USP5: variants seen among roughly 807,000 people sequenced by gnomAD.
The protein encoded by USP5 is ubiquitin carboxyl-terminal hydrolase 5.
A neutral mutation model predicts 102.5 loss-of-function variants in USP5; 24 were observed. The observed-to-expected ratio is 0.23, with a 90% CI of 0.17 to 0.33. The LOEUF is 0.33. Ranked by LOEUF, USP5 falls within the 10% of genes least tolerant of loss-of-function variation. The pLI is 1.00. For missense variants in USP5, 753 were observed against 1,122.1 expected (o/e 0.67, Z 4.70); for synonymous variants, 460 against 434.8 (o/e 1.06, Z -0.72).
chr12:6,863,120 T>C lies in USP5; in HGVS notation c.1763-66T>C. 2 of 1,505,310 alleles carry C rather than the reference T, an allele frequency of 1.3e-6. No homozygotes were observed. The highest frequency in any genetic ancestry group is 2.8e-5 in the African/African-American group (2 of 72,206). The allele number at this position is 1,505,310 out of a possible 1,614,324, so 93.2% of individuals were successfully genotyped here. On this transcript the variant is annotated intron_variant, in intron 14 of 19. Transcript: ENST00000229268. This position sits in a 1 kb window ranked among gnomAD's most constrained non-coding sequence, Gnocchi z 4.7. ...CAGTTCTGACATAGGGGGCAGGGGA[T>C]TGAGGTTCCCGAATCACTTTCCAGG...
In USP5 at chr12:6,863,854, T is replaced by C. The variant is rs1944347521; in HGVS notation, c.1979T>C (p.Ile660Thr). The C allele has an allele frequency of 6.2e-7, 1 of 1,605,926 alleles. No individual in the cohort carries two copies. The highest frequency in any genetic ancestry group is 8.5e-7 in the Non-Finnish European group (1 of 1,175,098). The stretch of plus-strand genomic sequence containing the variant: ...GCGCCCATGCTGGATGAATCAGTCA[T>C]CATCCAGCTGGTGGAGATGGGATTC... ...PTSPMLDESV[I>T]IQLVEMGFPM... Residue 660 changes from isoleucine (I) to threonine (T), a missense_variant, in exon 16 of 20, where the codon ATC (isoleucine) becomes ACC (threonine). Physicochemically the swap from Ile to Thr is moderately conservative, Grantham distance 89. This residue lies in a region of USP5 where 193 missense variants were observed against 230.2 expected (regional missense o/e 0.84). Transcript: ENST00000229268. This position sits in a 1 kb window ranked among gnomAD's most constrained non-coding sequence, Gnocchi z 4.7.
Position 6,859,554 on chromosome 12 carries a change from G to A in USP5, c.1130+13G>A. 1 of 1,613,892 alleles carries A rather than the reference G, an allele frequency of 6.2e-7. No homozygotes were observed. Among genetic ancestry groups the A allele is most frequent in the African/African-American group, 1.3e-5 (1 of 75,024 alleles). ...TCAGCACCCAGGTGTATGTAACCAGGTCCTATGTAGGAAAGCTGTTGACAG... is the reference window on the plus strand; with the variant it reads ...TCAGCACCCAGGTGTATGTAACCAGATCCTATGTAGGAAAGCTGTTGACAG... On this transcript the variant is annotated intron_variant, in intron 9 of 19. Transcript: ENST00000229268.
chr12:6,862,629 C>G (rs1555129823), intron 14 of USP5, 71 bp downstream of exon 14: 14 of 1,390,326 alleles, frequency 1.0e-5, no homozygotes, highest in Non-Finnish European at 1.4e-5. Flanking sequence ...CACATATAAA[C>G]TAGTGTTTCT....
chr12:6,863,737 G>A lies in USP5; in HGVS notation c.1955-93G>A, dbSNP rs1944343364. On this transcript the variant is annotated intron_variant, in intron 15 of 19. Coordinates refer to ENST00000229268, the MANE Select transcript of USP5 (RefSeq NM_001098536.2). This position sits in a 1 kb window ranked among gnomAD's most constrained non-coding sequence, Gnocchi z 4.7. ...TCCATGGGAGAAAAATGCATGGAAT[G>A]GGTGATTGGAAGAGGGCTGGGTCCT... is the stretch of plus-strand genomic sequence containing the variant. The A allele has an allele frequency of 6.8e-7, 1 of 1,473,284 alleles. No homozygotes were observed. Among genetic ancestry groups the A allele is most frequent in the East Asian group, 2.4e-5 (1 of 42,144 alleles). 91.3% of individuals were successfully genotyped at this position (1,473,284 alleles called of 1,614,324 possible).
intron 9 of USP5, among the ~76,000 whole-genome samples, chr12:6,859,774 T>C (rs1401607929): frequency 6.6e-6 from 1 of 152,196 alleles, no homozygotes; most frequent in Non-Finnish European, 1.5e-5. Context: ...TGCCTCAGTC[T>C]CCTGAGTAGC....
Position 6,856,429 on chromosome 12 carries a change from A to T in USP5, c.563A>T (p.Asn188Ile). 1 of 1,612,410 alleles carries T rather than the reference A, an allele frequency of 6.2e-7. No homozygotes were observed. The highest frequency in any genetic ancestry group is 8.5e-7 in the Non-Finnish European group (1 of 1,179,052). ...GCCTTCAGCCTCAAGCAGTTGGACA[A>T]CCCTGCTCGAATCCCTCCCTGGTGA... is the stretch of plus-strand genomic sequence containing the variant. ...KHAFSLKQLDNPARIPPCGWK... is the reference protein window; with the variant it reads ...KHAFSLKQLDIPARIPPCGWK... Residue 188 changes from asparagine to isoleucine, a missense_variant, in exon 5 of 20, where the codon AAC becomes ATC. Transcript: ENST00000229268. This position sits in a 1 kb window ranked among gnomAD's most constrained non-coding sequence, Gnocchi z 5.6.
Position 6,860,201 on chromosome 12 carries a change from C to T in USP5, c.1181C>T (p.Pro394Leu), listed in dbSNP as rs782024660. The T allele has an allele frequency of 2.1e-5, 33 of 1,608,070 alleles. No individual in the cohort carries two copies. The highest frequency in any genetic ancestry group is 1.7e-4 in the Admixed American group (10 of 57,566). ...LLSGEYSKPV[P>L]ESGDGERVPE... ...TCCGGGGAGTATTCCAAGCCAGTAC[C>T]GGAGTCGGGCGATGGGGAGCGGGTG... The change falls in exon 10 of 20, where the codon CCG becomes CTG. Residue 394 changes from proline (P) to leucine (L), a missense_variant. Physicochemically the swap from Pro to Leu is moderately conservative, Grantham distance 98 (BLOSUM62 -3). Transcript: ENST00000229268. This position sits in a 1 kb window ranked among gnomAD's most constrained non-coding sequence, Gnocchi z 5.5.
chr12:6,854,411 G>C (rs1189350291), intron 1 of USP5, among the ~76,000 whole-genome samples: 1 of 152,122 alleles, frequency 6.6e-6, no homozygotes, highest in Non-Finnish European at 1.5e-5. Flanking sequence ...GGAGGGAGAA[G>C]ACTCACAGTG....
Position 6,860,543 on chromosome 12 carries a change from T to TCC in USP5, c.1344+53_1344+54dup. ...CCATCTTCCTGCAATTTACTCGCTC[T>TCC]CCTTCCTGCCCATTTCTCCCTCTAT... On this transcript the variant is annotated intron_variant, in intron 11 of 19. Coordinates refer to ENST00000229268, the MANE Select transcript of USP5 (RefSeq NM_001098536.2). This position sits in a 1 kb window ranked among gnomAD's most constrained non-coding sequence, Gnocchi z 5.5. 2 of 1,607,296 alleles carry TCC rather than the reference T, an allele frequency of 1.2e-6. No individual in the cohort carries two copies. The highest frequency in any genetic ancestry group is 1.7e-6 in the Non-Finnish European group (2 of 1,179,040).
chr12:6,855,668 T>C lies in USP5; in HGVS notation c.238-87T>C, dbSNP rs1944088104. 1.9e-6 allele frequency: 3 copies of C among 1,598,778 alleles called. No homozygotes were observed. The highest frequency in any genetic ancestry group is 2.6e-6 in the Non-Finnish European group (3 of 1,169,958). On this transcript the variant is annotated intron_variant, in intron 2 of 19. Coordinates refer to ENST00000229268, the MANE Select transcript of USP5 (RefSeq NM_001098536.2). This position sits in a 1 kb window ranked among gnomAD's most constrained non-coding sequence, Gnocchi z 4.6. ...TTTTTAGCTTTATTCCGTTCTGAGA[T>C]GAAGCACTACCTCCTTCCGTCCCTC...
chr12:6,858,704 G>C lies in USP5; in HGVS notation c.1058+87G>C, dbSNP rs1944188673. On this transcript the variant is annotated intron_variant, in intron 8 of 19. Transcript: ENST00000229268. The surrounding 1 kb of genome is among the most constrained non-coding windows in gnomAD (Gnocchi z 4.2). ...TCCTTCAGCTTCCCTCAGCACCTCT[G>C]TGTTTGATTCTAGTCTTAGAGTAGT... The C allele has an allele frequency of 1.6e-6, 2 of 1,274,484 alleles. No homozygotes were observed. Among genetic ancestry groups the C allele is most frequent in the African/African-American group, 2.9e-5 (2 of 67,876 alleles). The allele number at this position is 1,274,484 out of a possible 1,614,324, so 78.9% of individuals were successfully genotyped here. A position where few individuals can be genotyped will look rare whatever the true frequency, so the allele number is the denominator to read the frequency against.
intron 6 of USP5, chr12:6,857,340 C>T (rs1555128548): frequency 2.0e-5 from 8 of 395,208 alleles, no homozygotes; most frequent in South Asian, 1.3e-4. Context: ...TTACTCCCCA[C>T]TCAAATCCTC....
rs1242786649 is a variant in USP5, at chr12:6,866,344, A to G, written c.*267A>G. The G allele has an allele frequency of 8.8e-6, 4 of 454,266 alleles. No homozygotes were observed. Among genetic ancestry groups the G allele is most frequent in the Non-Finnish European group, 1.6e-5 (4 of 247,948 alleles). The allele number at this position is 454,266 out of a possible 1,614,324, so 28.1% of individuals were successfully genotyped here. ...GTTGCTTCCCCTGCCCCCGGAATCC[A>G]CAGTGCTCTGCTTCTCTGTGTCGCC... On this transcript the variant is annotated 3_prime_UTR_variant, in exon 20 of 20. Coordinates refer to ENST00000229268, the MANE Select transcript of USP5 (RefSeq NM_001098536.2). The surrounding 1 kb of genome is among the most constrained non-coding windows in gnomAD (Gnocchi z 4.7).
intron 1 of USP5, among the ~76,000 whole-genome samples, chr12:6,853,957 G>A (rs1352880128): frequency 1.3e-5 from 2 of 152,238 alleles, no homozygotes; most frequent in African/African-American, 4.8e-5. Context: ...AGGCCACTGA[G>A]ACTTTTATTC....
Position 6,864,119 on chromosome 12 carries a change from C to G in USP5, c.2168C>G (p.Pro723Arg). 3.1e-6 allele frequency: 5 copies of G among 1,614,120 alleles called. No individual in the cohort carries two copies. Among genetic ancestry groups the G allele is most frequent in the Non-Finnish European group, 3.4e-6 (4 of 1,179,980 alleles). ...PGSTSAAADP[P>R]PEDCVTTIVS... ...TCCACAAGCGCAGCAGCCGACCCCC[C>G]TCCTGAGGACTGTGTGACCACCATT... The change falls in exon 17 of 20, where the codon CCT (proline) becomes CGT (arginine). Residue 723 changes from proline to arginine, a missense_variant. Around this residue, in one of 3 missense-constraint regions of USP5, gnomAD observed 193 missense variants for 230.2 expected, o/e 0.84. Coordinates refer to ENST00000229268, the MANE Select transcript of USP5 (RefSeq NM_001098536.2). This position sits in a 1 kb window ranked among gnomAD's most constrained non-coding sequence, Gnocchi z 4.8.
rs1402971118 is a variant in USP5, at chr12:6,866,391, A to G, written c.*314A>G. 8.5e-6 allele frequency: 3 copies of G among 353,248 alleles called. No homozygotes were observed. Among genetic ancestry groups the G allele is most frequent in the Non-Finnish European group, 1.6e-5 (3 of 187,008 alleles). The allele number at this position is 353,248 out of a possible 1,614,324, so 21.9% of individuals were successfully genotyped here. ...CGCCCCGCCCAGCCCCCTGGTGTGG[A>G]GGGAGGGGTCTCGTTTGTGCGCGTG... On this transcript the variant is annotated 3_prime_UTR_variant, in exon 20 of 20. Transcript: ENST00000229268. The surrounding 1 kb of genome is among the most constrained non-coding windows in gnomAD (Gnocchi z 4.7).
Position 6,863,412 on chromosome 12 carries a change from G to A in USP5, c.1954+35G>A, listed in dbSNP as rs782204466. 7.5e-6 allele frequency: 12 copies of A among 1,594,430 alleles called. No homozygotes were observed. Among genetic ancestry groups the A allele is most frequent in the Admixed American group, 5.1e-5 (3 of 58,864 alleles). ...TCTTCTTCCTGCCTGTCTCTCTCCC[G>A]TGCTGATGGGGGCCTCTCTGCCTTG... On this transcript the variant is annotated intron_variant, in intron 15 of 19. Transcript: ENST00000229268. This position sits in a 1 kb window ranked among gnomAD's most constrained non-coding sequence, Gnocchi z 4.7.
Position 6,863,348 on chromosome 12 carries a change from T to C in USP5, c.1925T>C (p.Phe642Ser), listed in dbSNP as rs782243971. 6.2e-7 allele frequency: 1 copy of C among 1,614,130 alleles called. No homozygotes were observed. Among genetic ancestry groups the C allele is most frequent in the South Asian group, 1.1e-5 (1 of 91,072 alleles). ...GFYGNEDEDS[F>S]CSPHFSSPTS... ...TATGGCAACGAAGACGAAGACTCCT[T>C]CTGCTCCCCTCACTTCTCCTCTCCG... is the stretch of plus-strand genomic sequence containing the variant. The change falls in exon 15 of 20, where the codon TTC becomes TCC. Residue 642 changes from phenylalanine (F) to serine (S), a missense_variant. This residue lies in a region of USP5 where 193 missense variants were observed against 230.2 expected (regional missense o/e 0.84). Coordinates refer to ENST00000229268, the MANE Select transcript of USP5 (RefSeq NM_001098536.2). This position sits in a 1 kb window ranked among gnomAD's most constrained non-coding sequence, Gnocchi z 4.7.
Position 6,863,983 on chromosome 12 carries a change from G to T in USP5, c.2098+10G>T. The T allele has an allele frequency of 6.3e-7, 1 of 1,586,870 alleles. No homozygotes were observed. Among genetic ancestry groups the T allele is most frequent in the Non-Finnish European group, 8.6e-7 (1 of 1,161,738 alleles). Reference sequence around the variant, plus strand: ...CACATGGATGATCCAGGTAGGCTGGGGTGGGGAGCAGGGTGGGGCAGGGCC... The same window carrying T: ...CACATGGATGATCCAGGTAGGCTGGTGTGGGGAGCAGGGTGGGGCAGGGCC... On this transcript the variant is annotated intron_variant, in intron 16 of 19. Transcript: ENST00000229268. This position sits in a 1 kb window ranked among gnomAD's most constrained non-coding sequence, Gnocchi z 4.7.
Sources: allele counts gnomAD v4.1 joint callset (sites outside exome capture counted in the v4.1 genomes callset), GRCh38; gene constraint gnomAD v4.1.1; regional missense constraint gnomAD v4.1.1; non-coding constraint Gnocchi (gnomAD v3.1); transcripts MANE v1.5; gene names NCBI Gene and HGNC (gene_info 2026-07-23, HGNC 2026-07-21).